Variants in ITGA4 observed in about 807,000 individuals in gnomAD.
The protein encoded by ITGA4 is integrin alpha-4.
A neutral mutation model predicts 133.6 loss-of-function variants in ITGA4; 63 were observed. That is an observed-to-expected ratio of 0.47 (90% confidence interval 0.38 to 0.58). ITGA4 has a LOEUF of 0.58. ITGA4 is among the 20% of genes least tolerant of loss of function. ITGA4 has a pLI of 0.00. For synonymous variants in ITGA4, 483 were observed against 438.0 expected (o/e 1.10, Z -1.28); for missense variants, 1,076 against 1,252.7 (o/e 0.86, Z 2.13).
chr2:181,489,610 G>A (rs369021561), intron 10 of ITGA4, among the ~76,000 whole-genome samples: 1 of 151,958 alleles, frequency 6.6e-6, no homozygotes, highest in Non-Finnish European at 1.5e-5. Context: ...CTATTATTTT[G>A]TGTGCACCTG....
In ITGA4 at chr2:181,523,574, TA is replaced by T. The variant is rs779270792; in HGVS notation, c.2169+43del. 32 of 1,050,066 alleles carry T rather than the reference TA, an allele frequency of 3.0e-5. No homozygotes were observed. Among genetic ancestry groups the T allele is most frequent in the Non-Finnish European group, 4.7e-5 (32 of 678,168 alleles). The allele number at this position is 1,050,066 out of a possible 1,614,324, so 65.0% of individuals were successfully genotyped here. On this transcript the variant is annotated intron_variant, in intron 19 of 27. Coordinates refer to ENST00000397033, the MANE Select transcript of ITGA4 (RefSeq NM_000885.6). The surrounding 1 kb of genome is among the most constrained non-coding windows in gnomAD (Gnocchi z 4.2). ...TATGGCTTTTGTTCACTATCATGAATATTTTTTTCTATTCTTCCCTATCTTT... is the reference window on the plus strand; with the variant it reads ...TATGGCTTTTGTTCACTATCATGAATTTTTTTTCTATTCTTCCCTATCTTT...
intron 26 of ITGA4, 29 bp from the exon 27 acceptor site, chr2:181,534,787 T>TTTAG: frequency 1.9e-6 from 3 of 1,555,718 alleles, no homozygotes; most frequent in Non-Finnish European, 1.7e-6. Context: ...TTTTTGGTTT[T>TTTAG]TGAGTTTTAT....
chr2:181,481,828 A>G lies in ITGA4; in HGVS notation c.840+145A>G, dbSNP rs866623282. The G allele has an allele frequency of 7.2e-5, 28 of 389,592 alleles. No homozygotes were observed. In the Middle Eastern group the frequency reaches 2.8e-3, roughly 39 times the overall value. The allele number at this position is 389,592 out of a possible 1,614,324, so 24.1% of individuals were successfully genotyped here. ...ATTATTACATTTAGTGGAATTGGTGAAAGATGTTATGGTTTTAGAAGAAAT... is the reference window on the plus strand; with the variant it reads ...ATTATTACATTTAGTGGAATTGGTGGAAGATGTTATGGTTTTAGAAGAAAT... On this transcript the variant is annotated intron_variant, in intron 7 of 27. Transcript: ENST00000397033.
At chr2:181,457,962 G>C in intron 1 of ITGA4, 111 bp downstream of exon 1, 4 of 1,195,508 alleles carry the variant, frequency 3.3e-6, no homozygotes, top group Non-Finnish European at 3.5e-6. Flanking sequence ...GAGGCAGGAG[G>C]GAAACGCTGC....
chr2:181,504,909 C>T (rs1686362531), intron 15 of ITGA4, among the ~76,000 whole-genome samples: 1 of 151,578 alleles, frequency 6.6e-6, no homozygotes. Context: ...CCACTTGAGC[C>T]AAGCTTACTA....
Position 181,480,172 on chromosome 2 carries a change from C to T in ITGA4, c.660C>T (p.Tyr220=), listed in dbSNP as rs770073170. 1 of 1,560,374 alleles carries T rather than the reference C, an allele frequency of 6.4e-7. No homozygotes were observed. The highest frequency in any genetic ancestry group is 1.2e-5 in the South Asian group (1 of 81,826). Reference sequence around the variant, plus strand: ...TGATGGGGGCCCCAGGATCATCTTACTGGACTGGCTCTCTTTTTGTCTACA... The same window carrying T: ...TGATGGGGGCCCCAGGATCATCTTATTGGACTGGCTCTCTTTTTGTCTACA... ...LIVMGAPGSS[Y]WTGSLFVYNI... Residue 220 remains tyrosine, a synonymous_variant, in exon 6 of 28, where the codon TAC becomes TAT. Transcript: ENST00000397033.
intron 4 of ITGA4, chr2:181,476,170 A>G: frequency 5.1e-6 from 1 of 194,390 alleles, no homozygotes; most frequent in Non-Finnish European, 1.0e-5. Context: ...AAAAGATAAA[A>G]AAGTGAATAT....
At chr2:181,494,906 T>C in intron 12 of ITGA4, 94 bp downstream of exon 12, 1 of 694,750 alleles carries the variant, frequency 1.4e-6, no homozygotes. Flanking sequence ...TATGAAAGAC[T>C]TCATCTTACT....
rs1484281793 is a variant in ITGA4, at chr2:181,493,325, A to G, written c.1154A>G (p.Asp385Gly). ...LGDIDNDGFE[D>G]VAIGAPQEDD... Reference sequence around the variant, plus strand: ...TTCCATTGTTTAAATTATTGGATAGATGTTGCTATCGGAGCTCCACAAGAA... The same window carrying G: ...TTCCATTGTTTAAATTATTGGATAGGTGTTGCTATCGGAGCTCCACAAGAA... Residue 385 changes from aspartate (D) to glycine (G), a missense_variant and splice_region_variant, in exon 11 of 28, where the codon GAT becomes GGT. Transcript: ENST00000397033. The G allele has an allele frequency of 6.3e-7, 1 of 1,594,846 alleles. No homozygotes were observed. The highest frequency in any genetic ancestry group is 1.7e-5 in the Admixed American group (1 of 58,458).
chr2:181,458,866 T>C (rs1023537744), intron 2 of ITGA4: 1 of 152,802 alleles, frequency 6.5e-6, no homozygotes, highest in Middle Eastern at 3.4e-3. Context: ...AGTATAATTT[T>C]CCATTCCCAA....
intron 10 of ITGA4, among the ~76,000 whole-genome samples, chr2:181,489,851 C>T (rs925667133): frequency 3.3e-5 from 5 of 152,170 alleles, no homozygotes; most frequent in South Asian, 2.1e-4. Flanking sequence ...TGTAGCAGGA[C>T]GAGCCACAGA....
chr2:181,508,520 A>G (rs931241454), intron 15 of ITGA4, among the ~76,000 whole-genome samples: 2 of 151,934 alleles, frequency 1.3e-5, no homozygotes, highest in African/African-American at 4.8e-5. Flanking sequence ...ACATGGTGAA[A>G]CCTGGTCTTT....
chr2:181,471,874 A>AT (rs1178278208), intron 2 of ITGA4, among the ~76,000 whole-genome samples: 7 of 152,308 alleles, frequency 4.6e-5, no homozygotes, highest in African/African-American at 1.7e-4. Context: ...AAGAATCATT[A>AT]TTTTTAGCCT....
chr2:181,484,016 A>C (rs1252823522), intron 9 of ITGA4, among the ~76,000 whole-genome samples: 1 of 152,222 alleles, frequency 6.6e-6, no homozygotes, highest in Non-Finnish European at 1.5e-5. Context: ...AATTGATTCC[A>C]GCTTTTAAAT....
At chr2:181,471,473 T>G (rs1403744499) in intron 2 of ITGA4, among the ~76,000 whole-genome samples, 3 of 152,210 alleles carry the variant, frequency 2.0e-5, no homozygotes, top group Non-Finnish European at 4.4e-5. Flanking sequence ...TCACCACAAT[T>G]TCCTCTGAGT....
In ITGA4 at chr2:181,495,123, T is replaced by G. The variant is rs996661182; in HGVS notation, c.1340-248T>G. On this transcript the variant is annotated intron_variant, in intron 12 of 27. Transcript: ENST00000397033. The surrounding 1 kb of genome is among the most constrained non-coding windows in gnomAD (Gnocchi z 4.3). The stretch of plus-strand genomic sequence containing the variant: ...GAGTGAATGTTTCTAGTCCAAAAAT[T>G]GAATTTTGTTTTAGTAAACTTGTTT... 6.6e-6 allele frequency among the ~76,000 whole-genome samples: 1 copy of G among 152,198 alleles called. No individual in the cohort carries two copies. Among genetic ancestry groups the G allele is most frequent in the South Asian group, 2.1e-4 (1 of 4,834 alleles).
intron 2 of ITGA4, among the ~76,000 whole-genome samples, chr2:181,461,129 A>AC (rs1020172109): frequency 1.3e-5 from 2 of 149,456 alleles, no homozygotes; most frequent in Non-Finnish European, 3.0e-5. Context: ...TATCTCGCCT[A>AC]CCCTACCCTC....
chr2:181,537,832 A>G lies in ITGA4; in HGVS notation c.*2305A>G, dbSNP rs1201389732. On this transcript the variant is annotated 3_prime_UTR_variant, in exon 28 of 28. Transcript: ENST00000397033. ...GCCCTAGAGGCTAATTGTTAGTAAC[A>G]TCAATTTCTATTAGGATATCCGTTT... is the stretch of plus-strand genomic sequence containing the variant. 6 of 485,042 alleles carry G rather than the reference A, an allele frequency of 1.2e-5. No homozygotes were observed. In the East Asian group the frequency reaches 3.6e-4, roughly 29 times the overall value. The allele number at this position is 485,042 out of a possible 1,614,324, so 30.0% of individuals were successfully genotyped here.
chr2:181,521,753 GTCT>G (rs1686724829), intron 17 of ITGA4, among the ~76,000 whole-genome samples: 1 of 152,112 alleles, frequency 6.6e-6, no homozygotes, highest in Non-Finnish European at 1.5e-5. Context: ...ATTCCTTCTA[GTCT>G]TCTTTTCTAC....
Sources: allele counts gnomAD v4.1 joint callset (sites outside exome capture counted in the v4.1 genomes callset), GRCh38; gene constraint gnomAD v4.1.1; non-coding constraint Gnocchi (gnomAD v3.1); transcripts MANE v1.5; gene names NCBI Gene and HGNC (gene_info 2026-07-23, HGNC 2026-07-21).